The following UQCRC2 variants were observed in gnomAD, a reference collection of about 807,000 sequenced individuals.
UQCRC2 encodes ubiquinol-cytochrome c reductase core protein 2.
Under a neutral mutation model 55.6 loss-of-function variants are expected in UQCRC2, and 49 were observed. That is an observed-to-expected ratio of 0.88 (90% confidence interval 0.70 to 1.12). The LOEUF (loss-of-function observed/expected upper bound fraction) is 1.12, where lower values mean the gene tolerates loss of function less well. UQCRC2 is among the 50% of genes most tolerant of loss of function. The pLI is 0.00. For synonymous variants in UQCRC2, 193 were observed against 192.0 expected (o/e 1.01, Z -0.04); for missense variants, 506 against 547.8 (o/e 0.92, Z 0.76).
rs184242811 is a variant in UQCRC2 at position 21,971,410 on chromosome 16, T to C, written c.671-115T>C. 1,049 of 825,976 alleles carry C rather than the reference T, an allele frequency of 1.3e-3. 15 individuals are homozygous for C. In the East Asian group the frequency reaches 0.026, roughly 20 times the overall value. The allele number at this position is 825,976 out of a possible 1,614,324, so 51.2% of individuals were successfully genotyped here. On this transcript the variant is annotated intron_variant, in intron 8 of 13. Transcript: ENST00000268379. ...TGGCATTATGGCAGGAAGACTCTTA[T>C]TTATTTTGTAGTGTTAGGATTTTAC...
At chr16:21,977,800 C>A (rs1898621942) in intron 12 of UQCRC2, among the ~76,000 whole-genome samples, 1 of 152,212 alleles carries the variant, frequency 6.6e-6, no homozygotes, top group African/African-American at 2.4e-5. Context: ...CAGGATGGAA[C>A]AACCTTTTGG....
intron 10 of UQCRC2, among the ~76,000 whole-genome samples, chr16:21,973,123 TAAA>T (rs1460402350): frequency 6.6e-6 from 1 of 151,932 alleles, no homozygotes; most frequent in Non-Finnish European, 1.5e-5. Context: ...AATAAATAAA[TAAA>T]AGAAATTGAA....
intron 7 of UQCRC2, among the ~76,000 whole-genome samples, chr16:21,966,389 G>A (rs1179554981): frequency 1.3e-5 from 2 of 152,022 alleles, no homozygotes; most frequent in Non-Finnish European, 2.9e-5. Flanking sequence ...TCCAAAACAT[G>A]AAACATTGAA....
intron 11 of UQCRC2, among the ~76,000 whole-genome samples, chr16:21,975,412 G>A (rs373992746): frequency 1.3e-5 from 2 of 152,138 alleles, no homozygotes; most frequent in Non-Finnish European, 2.9e-5. Context: ...CAGGTCTGGG[G>A]TGTGGCTCTG....
At chr16:21,979,573 T>G (rs1898665611) in intron 12 of UQCRC2, among the ~76,000 whole-genome samples, 2 of 152,096 alleles carry the variant, frequency 1.3e-5, no homozygotes, top group African/African-American at 4.8e-5. Context: ...TTTGTGCATC[T>G]AAACATAGGA....
chr16:21,980,446 C>G lies in UQCRC2; in HGVS notation c.1125-101C>G, dbSNP rs1346520348. 4.8e-6 allele frequency: 6 copies of G among 1,244,810 alleles called. No individual in the cohort carries two copies. The East Asian group carries it at 1.4e-4, about 29-fold the overall frequency. 77.1% of individuals were successfully genotyped at this position (1,244,810 alleles called of 1,614,324 possible). ...GAGGGAGACACGCTGTTACTCTATCCATTAAATAAAGCTTTGATGTTCACA... is the reference window on the plus strand; with the variant it reads ...GAGGGAGACACGCTGTTACTCTATCGATTAAATAAAGCTTTGATGTTCACA... On this transcript the variant is annotated intron_variant, in intron 12 of 13. Transcript: ENST00000268379.
chr16:21,957,287 C>T lies in UQCRC2; in HGVS notation c.86C>T (p.Ala29Val). The T allele has an allele frequency of 6.2e-7, 1 of 1,614,022 alleles. No individual in the cohort carries two copies. The change falls in exon 2 of 14, where the codon GCA becomes GTA. Residue 29 changes from alanine (A) to valine (V), a missense_variant. Physicochemically the swap from Ala to Val is moderately conservative, Grantham distance 64 (BLOSUM62 0). Transcript: ENST00000268379. ...AAAGTTAAAGCCACAGCTGCGCCTG[C>T]AGGAGCACCGCCACAACCTCAGGAC... is the stretch of plus-strand genomic sequence containing the variant. ...APKVKATAAP[A>V]GAPPQPQDLE... is the part of the protein sequence containing the mutation.
chr16:21,959,691 A>G (rs111625880), intron 4 of UQCRC2: 2 of 152,266 alleles, frequency 1.3e-5, no homozygotes, highest in African/African-American at 4.8e-5. Context: ...GCCCAGATCC[A>G]TCAGCGTCTT....
intron 12 of UQCRC2, among the ~76,000 whole-genome samples, chr16:21,978,047 AT>A (rs1898627410): frequency 6.6e-6 from 1 of 152,194 alleles, no homozygotes; most frequent in African/African-American, 2.4e-5. Context: ...AAGAAAACGT[AT>A]TTTCTTAATA....
At chr16:21,969,648 A>AT (rs199947732) in intron 8 of UQCRC2, among the ~76,000 whole-genome samples, 2,802 of 152,272 alleles carry the variant, frequency 0.018, 41 homozygotes, top group Non-Finnish European at 0.031. Flanking sequence ...CATTTGTAAT[A>AT]TTTTTTGTTT....
intron 11 of UQCRC2, among the ~76,000 whole-genome samples, chr16:21,975,063 G>A (rs1898550324): frequency 6.6e-6 from 1 of 152,198 alleles, no homozygotes; most frequent in African/African-American, 2.4e-5. Context: ...GCACTGTCAT[G>A]TAATTTTTCT....
rs1898380332 is a variant in UQCRC2, at chr16:21,968,466, T to C, written c.613-162T>C. 1.0e-5 allele frequency: 5 copies of C among 492,896 alleles called. No homozygotes were observed. The Admixed American group carries it at 2.0e-4, about 19-fold the overall frequency. 30.5% of individuals were successfully genotyped at this position (492,896 alleles called of 1,614,324 possible). A position where few individuals can be genotyped will look rare whatever the true frequency, so the allele number is the denominator to read the frequency against. On this transcript the variant is annotated intron_variant, in intron 7 of 13. Transcript: ENST00000268379. The stretch of plus-strand genomic sequence containing the variant: ...TTCTTTTAAGCAATAGTTTTTATAA[T>C]AAAATCCCAGGGTAATTCACCTCAG...
intron 13 of UQCRC2, among the ~76,000 whole-genome samples, 162 bp from the exon 14 acceptor site, chr16:21,982,926 T>C (rs1898768292): frequency 7.1e-6 from 1 of 140,112 alleles, no homozygotes. Flanking sequence ...ATCGCAGCAC[T>C]GCACTCCACA....
chr16:21,980,222 C>T, intron 12 of UQCRC2: 1 of 255,974 alleles, frequency 3.9e-6, no homozygotes, highest in Admixed American at 4.1e-5. Flanking sequence ...ACAACCGGAT[C>T]CAGAGGCCTT....
At chr16:21,977,956 C>T (rs1026335128) in intron 12 of UQCRC2, among the ~76,000 whole-genome samples, 4 of 152,042 alleles carry the variant, frequency 2.6e-5, no homozygotes, top group Non-Finnish European at 5.9e-5. Flanking sequence ...TTGATTGTAC[C>T]AGAAACAAAA....
chr16:21,972,710 T>A (rs1450546444), intron 10 of UQCRC2, among the ~76,000 whole-genome samples: 1 of 152,064 alleles, frequency 6.6e-6, no homozygotes, highest in African/African-American at 2.4e-5. Context: ...CCCCCATCTC[T>A]CCTAATCCAA....
chr16:21,964,768 T>C (rs1422127663), intron 6 of UQCRC2, among the ~76,000 whole-genome samples: 1 of 152,204 alleles, frequency 6.6e-6, no homozygotes, highest in African/African-American at 2.4e-5. Flanking sequence ...TATTTCACAG[T>C]TTTTCCTCTT....
chr16:21,960,683 G>C (rs951880357), intron 4 of UQCRC2, among the ~76,000 whole-genome samples: 2 of 152,042 alleles, frequency 1.3e-5, no homozygotes, highest in African/African-American at 4.8e-5. Context: ...CCTTTCACTT[G>C]TATACTTAGG....
At position 21,983,089 on chromosome 16, in the gene UQCRC2, C is replaced by T. The variant is rs145809522; in HGVS notation, c.1280C>T (p.Ala427Val). 1.3e-4 allele frequency: 202 copies of T among 1,612,496 alleles called. No individual in the cohort carries two copies. The African/African-American group carries it at 1.9e-3, about 15-fold the overall frequency. ...DSVANADIINAAKKFVSGQKS... is the reference protein window; with the variant it reads ...DSVANADIINVAKKFVSGQKS... The stretch of plus-strand genomic sequence containing the variant: ...TGTCTTTTGTTTGTTTCTTTAAAGG[C>T]GGCAAAGAAGTTTGTTTCTGGCCAG... The change falls in exon 14 of 14, where the codon GCG becomes GTG. Residue 427 changes from alanine to valine, a missense_variant and splice_region_variant. Physicochemically the swap from Ala to Val is moderately conservative, Grantham distance 64. Coordinates refer to ENST00000268379, the MANE Select transcript of UQCRC2 (RefSeq NM_003366.4).
Sources: gnomAD v4.1 joint callset for allele counts (sites outside exome capture counted in the v4.1 genomes callset) on GRCh38, gnomAD v4.1.1 for gene constraint, MANE v1.5 for transcripts, NCBI Gene and HGNC (gene_info 2026-07-23, HGNC 2026-07-21) for gene names.